NUP35: variants seen among roughly 807,000 people sequenced by gnomAD.
The protein encoded by NUP35 is nucleoporin 35.
NUP35 carries 25 observed loss-of-function variants against 41.5 expected under a neutral mutation model. That is an observed-to-expected ratio of 0.60 (90% CI 0.44 to 0.84). NUP35 has a LOEUF of 0.84. Among genes scored for constraint, NUP35 ranks in the 40% least tolerant of loss-of-function variants. NUP35 has a pLI of 0.00. For synonymous variants in NUP35, 149 were observed against 130.7 expected (o/e 1.14, Z -0.96); for missense variants, 396 against 396.6 (o/e 1.00, Z 0.01).
In NUP35 at chr2:183,125,658, T is replaced by G. The variant is rs567013872; in HGVS notation, c.40+1161T>G. On this transcript the variant is annotated intron_variant, in intron 1 of 8. Coordinates refer to ENST00000295119, the MANE Select transcript of NUP35 (RefSeq NM_138285.5). ...AAAACTCTTCATTTCCAGTTCCAAA[T>G]TTTTCTATTCAACAAAAACATTTTG... is the stretch of plus-strand genomic sequence containing the variant. Among the ~76,000 whole-genome samples the G allele has an allele frequency of 3.3e-5, 5 of 152,232 alleles. No individual in the cohort carries two copies. The East Asian group carries it at 9.6e-4, about 29-fold the overall frequency.
chr2:183,157,598 G>T, intron 6 of NUP35, 85 bp downstream of exon 6: 2 of 972,602 alleles, frequency 2.1e-6, no homozygotes, highest in Non-Finnish European at 3.2e-6. Flanking sequence ...GAATTTTGTG[G>T]GTTTTTTTTA....
chr2:183,133,695 A>T, intron 4 of NUP35, 72 bp downstream of exon 4: 1 of 1,030,740 alleles, frequency 9.7e-7, no homozygotes. Flanking sequence ...GCTGGAGTGC[A>T]GTGGTGTGAT....
In NUP35 at chr2:183,161,240, ACTT is replaced by A. The variant is rs749709044; in HGVS notation, c.*113_*115del. 3.0e-6 allele frequency: 2 copies of A among 666,258 alleles called. No individual in the cohort carries two copies. Among genetic ancestry groups the A allele is most frequent in the Non-Finnish European group, 2.5e-6 (1 of 396,570 alleles). The allele number at this position is 666,258 out of a possible 1,614,324, so 41.3% of individuals were successfully genotyped here. On this transcript the variant is annotated 3_prime_UTR_variant, in exon 9 of 9. Transcript: ENST00000295119. ...CTGCAGTATTGGATAGCTATCTCATACTTCTTTTAGAAAGAAGCCTTTTTCATT... is the reference window on the plus strand; with the variant it reads ...CTGCAGTATTGGATAGCTATCTCATACTTTTAGAAAGAAGCCTTTTTCATT...
intron 8 of NUP35, 29 bp downstream of exon 8, chr2:183,159,681 G>C: frequency 1.3e-6 from 2 of 1,558,104 alleles, no homozygotes; most frequent in Non-Finnish European, 1.8e-6. Context: ...AAAAAAAGAT[G>C]TACTTTAATG....
rs763058981 is a variant in NUP35 at position 183,157,488 on chromosome 2, AGTATGGGAATATCTTAAAACAT to A, written c.587_608del (p.Tyr196Ter). The A allele has an allele frequency of 6.2e-7, 1 of 1,612,220 alleles. No individual in the cohort carries two copies. Among genetic ancestry groups the A allele is most frequent in the Non-Finnish European group, 8.5e-7 (1 of 1,178,448 alleles). On this transcript the variant is annotated frameshift_variant, in exon 6 of 9. Coordinates refer to ENST00000295119, the MANE Select transcript of NUP35 (RefSeq NM_138285.5). LOFTEE classifies it high-confidence loss of function. ...TCCTACATATTACTACAATTTGCACAGTATGGGAATATCTTAAAACATGTGGTAAGGCTTAATTTTTTTCAGT... is the reference window on the plus strand; with the variant it reads ...TCCTACATATTACTACAATTTGCACAGTGGTAAGGCTTAATTTTTTTCAGT...
At chr2:183,137,073 G>C (rs1460281600) in intron 4 of NUP35, among the ~76,000 whole-genome samples, 1 of 151,784 alleles carries the variant, frequency 6.6e-6, no homozygotes, top group African/African-American at 2.4e-5. Context: ...CTGGGTGATA[G>C]AGCGAGACTT....
intron 1 of NUP35, among the ~76,000 whole-genome samples, chr2:183,126,912 T>G (rs1351740253): frequency 6.6e-6 from 1 of 152,258 alleles, no homozygotes; most frequent in Non-Finnish European, 1.5e-5. Flanking sequence ...CATTTATACT[T>G]TACTCAGTTT....
chr2:183,161,037 T>C lies in NUP35; in HGVS notation c.904-17T>C, dbSNP rs199827417. 93 of 1,600,486 alleles carry C rather than the reference T, an allele frequency of 5.8e-5. No homozygotes were observed. In the East Asian group the frequency reaches 2.0e-3, roughly 35 times the overall value. ...AACAATAACCTAACCGTTTTTTTTG[T>C]GTGTGTTTTTTAATAGGTTATTTCT... On this transcript the variant is annotated splice_polypyrimidine_tract_variant and intron_variant, in intron 8 of 8. Coordinates refer to ENST00000295119, the MANE Select transcript of NUP35 (RefSeq NM_138285.5).
At chr2:183,128,493 C>G (rs1308697424) in intron 2 of NUP35, 36 bp downstream of exon 2, 7 of 1,567,022 alleles carry the variant, frequency 4.5e-6, no homozygotes, top group Admixed American at 1.7e-5. Flanking sequence ...TATAGACATG[C>G]TAGATACAGG....
intron 2 of NUP35, 31 bp from the exon 3 acceptor site, chr2:183,130,387 C>CT (rs34173657): frequency 0.095 from 119,783 of 1,259,466 alleles, 3,655 homozygotes; most frequent in African/African-American, 0.26. Context: ...AGAAGAATCC[C>CT]TTTTTTTTTT....
intron 4 of NUP35, among the ~76,000 whole-genome samples, chr2:183,148,610 ATTCATGTTCTTTGCCCAC>A (rs142525605): frequency 0.098 from 14,874 of 152,130 alleles, 1,069 homozygotes; most frequent in Non-Finnish European, 0.16. Flanking sequence ...AAAAATGTCT[ATTCATGTTCTTTGCCCAC>A]TTCTTTAACA....
chr2:183,141,493 T>C (rs1685096387), intron 4 of NUP35, among the ~76,000 whole-genome samples: 2 of 152,230 alleles, frequency 1.3e-5, no homozygotes, highest in African/African-American at 4.8e-5. Context: ...GATATTGTAT[T>C]TTCCCCTCAT....
At chr2:183,130,985 CT>C in intron 3 of NUP35, 22 of 1,185,016 alleles carry the variant, frequency 1.9e-5, no homozygotes, top group South Asian at 2.7e-5. Context: ...TTATTTTCTT[CT>C]TTTTTTAGGG....
At chr2:183,138,245 CTATA>C (rs1208421272) in intron 4 of NUP35, among the ~76,000 whole-genome samples, 27 of 112,648 alleles carry the variant, frequency 2.4e-4, no homozygotes, top group Non-Finnish European at 3.8e-4. Context: ...TCATTTAGAG[CTATA>C]TATATATATA....
At chr2:183,132,439 T>C (rs1002589000) in intron 3 of NUP35, among the ~76,000 whole-genome samples, 4 of 150,754 alleles carry the variant, frequency 2.7e-5, no homozygotes, top group African/African-American at 4.9e-5. Flanking sequence ...GTACCTATAG[T>C]CCCAGGTACT....
At chr2:183,149,771 C>T (rs1685400357) in intron 4 of NUP35, among the ~76,000 whole-genome samples, 1 of 152,110 alleles carries the variant, frequency 6.6e-6, no homozygotes, top group Non-Finnish European at 1.5e-5. Flanking sequence ...TCCAACTAAC[C>T]TTCTGGATGT....
chr2:183,144,685 G>A (rs1011502871), intron 4 of NUP35, among the ~76,000 whole-genome samples: 3 of 152,180 alleles, frequency 2.0e-5, no homozygotes, highest in Non-Finnish European at 4.4e-5. Context: ...ATTTGATGTG[G>A]TTTGATAGGC....
intron 5 of NUP35, among the ~76,000 whole-genome samples, chr2:183,152,280 TA>T (rs1310247484): frequency 1.1e-4 from 16 of 152,162 alleles, no homozygotes; most frequent in African/African-American, 3.6e-4. Context: ...TGCCTTTTTT[TA>T]AAAAAAATGC....
intron 4 of NUP35, among the ~76,000 whole-genome samples, chr2:183,133,957 G>A (rs1051948980): frequency 6.6e-6 from 1 of 152,036 alleles, no homozygotes; most frequent in African/African-American, 2.4e-5. Flanking sequence ...ATAGATGTTT[G>A]AAGTATCTCC....
Sources: gnomAD v4.1 joint callset for allele counts (sites outside exome capture counted in the v4.1 genomes callset) on GRCh38, gnomAD v4.1.1 for gene constraint, MANE v1.5 for transcripts, NCBI Gene and HGNC (gene_info 2026-07-23, HGNC 2026-07-21) for gene names.